The following FREM2 variants were observed in gnomAD, a reference collection of about 807,000 sequenced individuals.
FREM2 encodes FRAS1 related extracellular matrix 2.
A neutral mutation model predicts 219.9 loss-of-function variants in FREM2; 119 were observed. That is an observed-to-expected ratio of 0.54 (90% CI 0.47 to 0.63). The LOEUF (loss-of-function observed/expected upper bound fraction) is 0.63. FREM2 is among the 30% of genes least tolerant of loss of function. The pLI is 0.00. For missense variants in FREM2, 4,030 were observed against 3,993.6 expected, an observed-to-expected ratio of 1.01 and a Z score of -0.25; for synonymous variants, 1,562 against 1,522.8, an observed-to-expected ratio of 1.03 and a Z score of -0.60.
intron 22 of FREM2, 82 bp from the exon 23 acceptor site, chr13:38,878,749 C>T: frequency 7.4e-7 from 1 of 1,359,288 alleles, no homozygotes; most frequent in Non-Finnish European, 1.1e-6. Flanking sequence ...TGTACTTGCA[C>T]AAAACAAATA....
chr13:38,695,173 T>G (rs1870055424), intron 1 of FREM2, among the ~76,000 whole-genome samples: 1 of 152,186 alleles, frequency 6.6e-6, no homozygotes, highest in African/African-American at 2.4e-5. Flanking sequence ...AGCTAGACGT[T>G]ATTACATTTA....
intron 17 of FREM2, among the ~76,000 whole-genome samples, chr13:38,873,792 C>T (rs926429597): frequency 2.6e-5 from 4 of 152,116 alleles, no homozygotes; most frequent in Non-Finnish European, 1.5e-5. Context: ...TGGATTAAAA[C>T]CTATTTATGC....
chr13:38,848,573 A>G lies in FREM2; in HGVS notation c.6282A>G (p.Gly2094=), dbSNP rs763717186. The G allele has an allele frequency of 3.1e-6, 5 of 1,613,966 alleles. No homozygotes were observed. The highest frequency in any genetic ancestry group is 3.4e-6 in the Non-Finnish European group (4 of 1,179,958). The change falls in exon 8 of 24, where the codon GGA becomes GGG. Residue 2094 remains glycine (G), a synonymous_variant. Coordinates refer to ENST00000280481, the MANE Select transcript of FREM2 (RefSeq NM_207361.6). ...ACCTTGGACAACCAGCGCTGGAGGG[A>G]ATTGAGAAATTTGAACTGGTGCTTC... is the stretch of plus-strand genomic sequence containing the variant. ...LDDLGQPALE[G]IEKFELVLRM...
chr13:38,812,386 C>G (rs1045640480), intron 6 of FREM2, among the ~76,000 whole-genome samples: 1 of 152,038 alleles, frequency 6.6e-6, no homozygotes, highest in African/African-American at 2.4e-5. Context: ...TCTTTTCTGT[C>G]TTCCTTTTAG....
chr13:38,736,033 G>A lies in FREM2; in HGVS notation c.5264-28271G>A, dbSNP rs116374520. 9.7e-3 allele frequency among the ~76,000 whole-genome samples: 1,476 copies of A among 152,240 alleles called. 21 individuals carry two copies. The highest frequency in any genetic ancestry group is 0.033 in the African/African-American group (1,390 of 41,546). ...GGAGGGAGGCCTTGTGCAGAACTGAGATCCCTTAGGCTGTGCGAAAGGGCT... is the reference window on the plus strand; with the variant it reads ...GGAGGGAGGCCTTGTGCAGAACTGAAATCCCTTAGGCTGTGCGAAAGGGCT... On this transcript the variant is annotated intron_variant, in intron 2 of 23. Coordinates refer to ENST00000280481, the MANE Select transcript of FREM2 (RefSeq NM_207361.6).
intron 6 of FREM2, among the ~76,000 whole-genome samples, chr13:38,809,846 G>T (rs1225617106): frequency 6.6e-6 from 1 of 151,956 alleles, no homozygotes; most frequent in South Asian, 2.1e-4. Context: ...TTTTAGGATT[G>T]TTTTTTCTAC....
chr13:38,878,838 C>T lies in FREM2; in HGVS notation c.8867C>T (p.Ala2956Val). 6.2e-7 allele frequency: 1 copy of T among 1,614,152 alleles called. No homozygotes were observed. The highest frequency in any genetic ancestry group is 2.2e-5 in the East Asian group (1 of 44,868). The change falls in exon 23 of 24, where the codon GCT (alanine) becomes GTT (valine). Residue 2956 changes from alanine (A) to valine (V), a missense_variant. Ala to Val is a moderately conservative substitution (Grantham distance 64). Around this residue, in one of 2 missense-constraint regions of FREM2, gnomAD observed 928 missense variants for 1,042.9 expected, o/e 0.89. Transcript: ENST00000280481. ...LLYRFKIVDK[A>V]QPETQATSFG... is the part of the protein sequence containing the mutation. ...TTTCCTTACTGCTTAAAGGACAAAGCTCAGCCAGAGACACAAGCGACCAGT... is the reference window on the plus strand; with the variant it reads ...TTTCCTTACTGCTTAAAGGACAAAGTTCAGCCAGAGACACAAGCGACCAGT...
At chr13:38,809,035 C>T (rs1035023739) in intron 6 of FREM2, among the ~76,000 whole-genome samples, 1 of 151,824 alleles carries the variant, frequency 6.6e-6, no homozygotes, top group African/African-American at 2.4e-5. Flanking sequence ...AATACCTGTT[C>T]ACTTATTTAT....
At chr13:38,745,768 C>T (rs576084193) in intron 2 of FREM2, among the ~76,000 whole-genome samples, 4 of 152,240 alleles carry the variant, frequency 2.6e-5, no homozygotes, top group South Asian at 2.1e-4. Context: ...ATTTTCAATC[C>T]GATTGAAACC....
In FREM2 at chr13:38,876,486, T is replaced by C. The variant is rs1878346673; in HGVS notation, c.8544+104T>C. 4 of 962,664 alleles carry C rather than the reference T, an allele frequency of 4.2e-6. No individual in the cohort carries two copies. In the Admixed American group the frequency reaches 6.1e-5, roughly 15 times the overall value. 59.6% of individuals were successfully genotyped at this position (962,664 alleles called of 1,614,324 possible). ...TCCACACGTGAATGACTTTAATTCT[T>C]GCATGCTGAAAAGAAAAGAAATCAG... On this transcript the variant is annotated intron_variant, in intron 20 of 23. Coordinates refer to ENST00000280481, the MANE Select transcript of FREM2 (RefSeq NM_207361.6).
At position 38,880,674 on chromosome 13, in the gene FREM2, C is replaced by T. The variant is rs1878512378; in HGVS notation, c.9397C>T (p.Leu3133=). 2 of 1,614,040 alleles carry T rather than the reference C, an allele frequency of 1.2e-6. No individual in the cohort carries two copies. The highest frequency in any genetic ancestry group is 2.7e-5 in the African/African-American group (2 of 74,920). The change falls in exon 24 of 24, where the codon CTG becomes TTG. Residue 3133 remains leucine (L), a synonymous_variant. Transcript: ENST00000280481. ...LTICLTVIAV[L]MCRGKESFRG... is the part of the protein sequence containing the mutation. The stretch of plus-strand genomic sequence containing the variant: ...CATCTGCCTCACTGTCATTGCAGTG[C>T]TGATGTGCAGGGGCAAGGAAAGTTT...
chr13:38,783,794 T>C (rs2137830514), intron 5 of FREM2, among the ~76,000 whole-genome samples: 1 of 151,988 alleles, frequency 6.6e-6, no homozygotes, highest in Admixed American at 6.5e-5. Context: ...TACAGAAGAG[T>C]GATTAAAAGC....
chr13:38,766,390 G>A (rs545660543), intron 3 of FREM2, among the ~76,000 whole-genome samples: 2 of 152,128 alleles, frequency 1.3e-5, no homozygotes, highest in Admixed American at 6.5e-5. Flanking sequence ...AACCTGGGGT[G>A]ATAGAAAATT....
intron 4 of FREM2, among the ~76,000 whole-genome samples, chr13:38,774,002 A>G (rs1045173428): frequency 5.3e-5 from 8 of 150,808 alleles, no homozygotes; most frequent in African/African-American, 1.9e-4. Flanking sequence ...AAACTAAACA[A>G]TATATATTCA....
At position 38,687,450 on chromosome 13, in the gene FREM2, C is replaced by T. The variant is rs777037145; in HGVS notation, c.106C>T (p.Leu36Phe). The T allele has an allele frequency of 8.8e-5, 141 of 1,593,936 alleles. No individual in the cohort carries two copies. Among genetic ancestry groups the T allele is most frequent in the Non-Finnish European group, 1.1e-4 (130 of 1,170,604 alleles). ...GCCCCGGCTGCTGCTGCTGCTGCTG[C>T]TTCTCCTGTCACTGGTAAGCCGCGT... ...PPPRLLLLLL[L>F]LLSLVSRVPA... Residue 36 changes from leucine (L) to phenylalanine (F), a missense_variant, in exon 1 of 24, where the codon CTT (leucine) becomes TTT (phenylalanine). Transcript: ENST00000280481.
In FREM2 at chr13:38,687,221, C is replaced by A; in HGVS notation, c.-124C>A. The A allele has an allele frequency of 1.5e-6, 2 of 1,376,292 alleles. No individual in the cohort carries two copies. Among genetic ancestry groups the A allele is most frequent in the African/African-American group, 2.9e-5 (2 of 69,832 alleles). 85.3% of individuals were successfully genotyped at this position (1,376,292 alleles called of 1,614,324 possible). On this transcript the variant is annotated 5_prime_UTR_variant, in exon 1 of 24. Transcript: ENST00000280481. ...CATCCTTCTGGCCCAGCCCCGGCTA[C>A]AGGAGGACCCCGCGGGCAACGCGCG...
chr13:38,839,167 G>A (rs1345676396), intron 6 of FREM2, among the ~76,000 whole-genome samples: 1 of 152,182 alleles, frequency 6.6e-6, no homozygotes, highest in African/African-American at 2.4e-5. Context: ...TTGTGTTGAT[G>A]TTGATGCTAT....
At chr13:38,850,569 A>C (rs780806629) in intron 9 of FREM2, among the ~76,000 whole-genome samples, 8 of 152,222 alleles carry the variant, frequency 5.3e-5, no homozygotes, top group Non-Finnish European at 7.3e-5. Context: ...ATAATACTAG[A>C]AACTAGTGTT....
intron 2 of FREM2, among the ~76,000 whole-genome samples, chr13:38,756,780 A>T (rs141436025): frequency 4.6e-4 from 70 of 151,912 alleles, no homozygotes; most frequent in African/African-American, 1.6e-3. Context: ...ACCTCAGGTG[A>T]TCTGCCCGCC....
Sources: gnomAD v4.1 joint callset for allele counts (sites outside exome capture counted in the v4.1 genomes callset) on GRCh38, gnomAD v4.1.1 for gene constraint, gnomAD v4.1.1 regional missense constraint, MANE v1.5 for transcripts, NCBI Gene and HGNC (gene_info 2026-07-23, HGNC 2026-07-21) for gene names.